PCDHA5: variants seen among roughly 807,000 people sequenced by gnomAD.
The protein encoded by PCDHA5 is protocadherin alpha 5.
In PCDHA5, 43 loss-of-function variants were observed where a neutral mutation model predicts 61.6. That is an observed-to-expected ratio of 0.70 (90% CI 0.55 to 0.90). PCDHA5 has a LOEUF of 0.90. Among genes scored for constraint, PCDHA5 ranks in the 40% least tolerant of loss-of-function variants. PCDHA5 has a pLI of 0.00. For missense variants in PCDHA5, 1,298 were observed against 1,222.7 expected (o/e 1.06, Z -0.92); for synonymous variants, 627 against 543.9 (o/e 1.15, Z -2.13).
chr5:140,858,016 G>T, intron 1 of PCDHA5: 1 of 1,596,850 alleles, frequency 6.3e-7, no homozygotes, highest in Non-Finnish European at 8.6e-7. Context: ...ATGGCGAGCC[G>T]TCGCTGACGG....
At chr5:140,917,327 G>T (rs1219338384) in intron 1 of PCDHA5, among the ~76,000 whole-genome samples, 1 of 149,420 alleles carries the variant, frequency 6.7e-6, no homozygotes, top group Non-Finnish European at 1.5e-5. Context: ...CATGTGGCGG[G>T]GGAGGGGGGG....
At chr5:140,906,521 C>T (rs529787398) in intron 1 of PCDHA5, among the ~76,000 whole-genome samples, 4 of 152,330 alleles carry the variant, frequency 2.6e-5, no homozygotes, top group African/African-American at 9.6e-5. Flanking sequence ...AGGAAATACT[C>T]ACGACAATTA....
At chr5:140,928,120 G>A (rs368067553) in intron 1 of PCDHA5, 5 of 1,614,062 alleles carry the variant, frequency 3.1e-6, no homozygotes, top group African/African-American at 1.3e-5. Context: ...GCAGATCAGT[G>A]AATACCAAGT....
chr5:140,852,064 C>G, intron 1 of PCDHA5: 1 of 904,052 alleles, frequency 1.1e-6, no homozygotes, highest in Non-Finnish European at 1.3e-6. Flanking sequence ...ATTTTTCTTT[C>G]TCTTTCAGCT....
At chr5:140,972,005 C>T (rs1236779874) in intron 1 of PCDHA5, among the ~76,000 whole-genome samples, 1 of 151,980 alleles carries the variant, frequency 6.6e-6, no homozygotes, top group Admixed American at 6.6e-5. Flanking sequence ...GTTTATATTC[C>T]CTTTTATATG....
At chr5:140,837,593 A>G (rs1168941201) in intron 1 of PCDHA5, among the ~76,000 whole-genome samples, 3 of 151,646 alleles carry the variant, frequency 2.0e-5, no homozygotes, top group Admixed American at 1.3e-4. Flanking sequence ...TAAATCGCCA[A>G]TATATATATT....
intron 1 of PCDHA5, among the ~76,000 whole-genome samples, chr5:140,910,320 A>G (rs1362740704): frequency 1.3e-5 from 2 of 152,212 alleles, no homozygotes; most frequent in African/African-American, 4.8e-5. Flanking sequence ...CATGAGTCAG[A>G]CTATTGTGAT....
intron 3 of PCDHA5, among the ~76,000 whole-genome samples, chr5:140,986,690 AAC>A (rs2097209708): frequency 6.6e-6 from 1 of 152,172 alleles, no homozygotes; most frequent in South Asian, 2.1e-4. Context: ...AAAGTTTCAA[AAC>A]ACACAGCACT....
chr5:140,849,924 G>A, intron 1 of PCDHA5: 1 of 1,598,310 alleles, frequency 6.3e-7, no homozygotes, highest in East Asian at 2.2e-5. Context: ...CATCTTCACG[G>A]TGTCTGCGCG....
At chr5:140,853,269 C>G (rs1458321470) in intron 1 of PCDHA5, 2 of 975,966 alleles carry the variant, frequency 2.0e-6, no homozygotes, top group African/African-American at 1.8e-5. Flanking sequence ...AGAGTACAAG[C>G]TCTCATCATA....
intron 3 of PCDHA5, among the ~76,000 whole-genome samples, chr5:141,000,351 G>GTC: frequency 1.5e-5 from 1 of 66,852 alleles, no homozygotes; most frequent in Non-Finnish European, 2.9e-5. Flanking sequence ...CTCTCTCTCT[G>GTC]TCTCTCTCTG....
At position 140,823,797 on chromosome 5, in the gene PCDHA5, G is replaced by C; in HGVS notation, c.2022G>C (p.Ala674=). 6.2e-7 allele frequency: 1 copy of C among 1,613,840 alleles called. No homozygotes were observed. The highest frequency in any genetic ancestry group is 8.5e-7 in the Non-Finnish European group (1 of 1,179,930). The change falls in exon 1 of 4, where the codon GCG becomes GCC. Residue 674 remains alanine, a synonymous_variant. Coordinates refer to ENST00000529859, the MANE Select transcript of PCDHA5 (RefSeq NM_018908.3). ...VLVSLVESGQ[A]PKASSRASAG... is the part of the protein sequence containing the mutation. The stretch of plus-strand genomic sequence containing the variant: ...TGTCGCTGGTGGAAAGTGGCCAGGC[G>C]CCGAAGGCCTCATCGCGGGCGTCGG...
At position 140,830,486 on chromosome 5, in the gene PCDHA5, G is replaced by A. The variant is rs2150187168; in HGVS notation, c.2352+6359G>A. On this transcript the variant is annotated intron_variant, in intron 1 of 3. Transcript: ENST00000529859. The stretch of plus-strand genomic sequence containing the variant: ...TTTAAATGAAGATCATGATGCCAAA[G>A]TAAGTGAATTTTCATAATTAACAGT... 3 of 1,500,990 alleles carry A rather than the reference G, an allele frequency of 2.0e-6. No homozygotes were observed. In the East Asian group the frequency reaches 7.1e-5, roughly 36 times the overall value. The allele number at this position is 1,500,990 out of a possible 1,614,324, so 93.0% of individuals were successfully genotyped here.
intron 1 of PCDHA5, chr5:140,860,525 C>T (rs1269714360): frequency 1.3e-5 from 2 of 152,112 alleles, no homozygotes; most frequent in Non-Finnish European, 2.9e-5. Context: ...TCATGGAATT[C>T]TGATTTGTAA....
intron 1 of PCDHA5, among the ~76,000 whole-genome samples, chr5:140,950,547 TGGG>T (rs1385873509): frequency 6.6e-6 from 1 of 152,064 alleles, no homozygotes; most frequent in Non-Finnish European, 1.5e-5. Flanking sequence ...CTTGCATGGC[TGGG>T]GGGACACTTA....
chr5:140,869,221 A>G, intron 1 of PCDHA5: 1 of 1,613,848 alleles, frequency 6.2e-7, no homozygotes, highest in South Asian at 1.1e-5. Flanking sequence ...GGAGGAGGCC[A>G]AACACGGCAC....
chr5:140,957,468 T>C (rs1318789577), intron 1 of PCDHA5, among the ~76,000 whole-genome samples: 2 of 152,166 alleles, frequency 1.3e-5, no homozygotes, highest in African/African-American at 4.8e-5. Context: ...GGTATGTATG[T>C]ATAGGAAAAA....
At chr5:140,887,048 A>G (rs997240150) in intron 1 of PCDHA5, among the ~76,000 whole-genome samples, 21 of 152,068 alleles carry the variant, frequency 1.4e-4, no homozygotes, top group Admixed American at 1.4e-3. Context: ...TTTATAGTGC[A>G]TATGTTCTGG....
chr5:140,884,444 C>G (rs1186302015), intron 1 of PCDHA5: 1 of 1,613,776 alleles, frequency 6.2e-7, no homozygotes, highest in East Asian at 2.2e-5. Flanking sequence ...GTGCTCGGCA[C>G]CGCCCACCGA....
Sources: gnomAD v4.1 joint callset for allele counts (sites outside exome capture counted in the v4.1 genomes callset) on GRCh38, gnomAD v4.1.1 for gene constraint, MANE v1.5 for transcripts, NCBI Gene and HGNC (gene_info 2026-07-23, HGNC 2026-07-21) for gene names.